Variants in USP54 observed in about 807,000 individuals in gnomAD.
USP54 encodes ubiquitin specific peptidase 54.
Under a neutral mutation model 170.5 loss-of-function variants are expected in USP54, and 87 were observed. The observed-to-expected ratio is 0.51, with a 90% confidence interval of 0.43 to 0.61. The LOEUF (loss-of-function observed/expected upper bound fraction) is 0.61. Among genes scored for constraint, USP54 ranks in the 20% least tolerant of loss-of-function variants. The pLI, the probability that USP54 is intolerant of heterozygous loss-of-function variation, is 0.00. For missense variants in USP54, 1,786 were observed against 2,047.8 expected (o/e 0.87, Z 2.47); for synonymous variants, 655 against 742.8 (o/e 0.88, Z 1.92).
At chr10:73,500,987 A>G (rs1428669120) in intron 22 of USP54, 149 bp from the exon 23 acceptor site, 6 of 806,538 alleles carry the variant, frequency 7.4e-6, no homozygotes, top group Non-Finnish European at 9.3e-6. Context: ...ACAGGACCCA[A>G]TTTACTCAGT....
At chr10:73,548,953 A>T (rs1366064475) in intron 4 of USP54, among the ~76,000 whole-genome samples, 1 of 152,230 alleles carries the variant, frequency 6.6e-6, no homozygotes, top group Admixed American at 6.5e-5. Flanking sequence ...ACCAGAAATA[A>T]GACCATTTTA....
In USP54 at chr10:73,497,542, A is replaced by G. The variant is rs964581306; in HGVS notation, c.*1087T>C. On this transcript the variant is annotated 3_prime_UTR_variant, in exon 24 of 24. Coordinates refer to ENST00000687698, the MANE Select transcript of USP54 (RefSeq NM_001391956.1). ...AAAGGGAAGAATGACAAGGAATTAA[A>G]TAGAACTGTCTTATAGATTTATTAA... 1.3e-5 allele frequency: 2 copies of G among 152,258 alleles called. No homozygotes were observed. Among genetic ancestry groups the G allele is most frequent in the African/African-American group, 4.8e-5 (2 of 41,464 alleles). The allele number at this position is 152,258 out of a possible 1,614,324, so 9.4% of individuals were successfully genotyped here.
chr10:73,525,903 T>C (rs2062761885), intron 16 of USP54, among the ~76,000 whole-genome samples: 1 of 152,250 alleles, frequency 6.6e-6, no homozygotes, highest in Admixed American at 6.5e-5. Context: ...CTAAGATATT[T>C]AGCCAGGGGT....
At chr10:73,554,328 C>T (rs2070411466) in intron 4 of USP54, among the ~76,000 whole-genome samples, 1 of 152,222 alleles carries the variant, frequency 6.6e-6, no homozygotes, top group Non-Finnish European at 1.5e-5. Context: ...TTTCTCTTCT[C>T]AACCTGGACT....
chr10:73,521,102 TAC>T, intron 17 of USP54, 75 bp from the exon 18 acceptor site: 1 of 1,585,690 alleles, frequency 6.3e-7, no homozygotes, highest in Middle Eastern at 1.7e-4. Flanking sequence ...TTCCCTTCAG[TAC>T]ACAGAGATCC....
At chr10:73,513,533 A>G (rs997859700) in intron 20 of USP54, 3 of 152,188 alleles carry the variant, frequency 2.0e-5, no homozygotes, top group African/African-American at 7.2e-5. Flanking sequence ...AATAAATTAC[A>G]GTACATTCAT....
At chr10:73,519,018 C>T (rs1435697690) in intron 19 of USP54, 1 of 151,968 alleles carries the variant, frequency 6.6e-6, no homozygotes, top group Non-Finnish European at 1.5e-5. Flanking sequence ...GCTACCATGC[C>T]TAGCAGTTAA....
At position 73,532,725 on chromosome 10, in the gene USP54, G is replaced by A. The variant is rs1435268697; in HGVS notation, c.1315+1875C>T. 3.9e-5 allele frequency among the ~76,000 whole-genome samples: 6 copies of A among 152,064 alleles called. 1 individual carries two copies. Among genetic ancestry groups the A allele is most frequent in the Non-Finnish European group, 5.9e-5 (4 of 68,026 alleles). On this transcript the variant is annotated intron_variant, in intron 12 of 23. Transcript: ENST00000687698. The stretch of plus-strand genomic sequence containing the variant: ...TACAAGAAATATAGGACACAGAAAC[G>A]TGTTAAAGTATACCATAGGAATAAA...
At chr10:73,606,330 A>C (rs1018363409) in intron 1 of USP54, 40 of 152,042 alleles carry the variant, frequency 2.6e-4, no homozygotes, top group African/African-American at 9.7e-4. Context: ...AAATAAAGAG[A>C]ACTAATCAAA....
At chr10:73,565,877 T>C in intron 4 of USP54, among the ~76,000 whole-genome samples, 1 of 152,200 alleles carries the variant, frequency 6.6e-6, no homozygotes, top group Middle Eastern at 3.2e-3. Context: ...ATTTGGTAGT[T>C]GGTAGTCATG....
In USP54 at chr10:73,616,681, T is replaced by C. The variant is rs995392861; in HGVS notation, c.-18+8886A>G. ...TTCTAAAAAAAATACAAAAATTATC[T>C]GGGCGTGGTGGCAGGTGCCTGTAAT... On this transcript the variant is annotated intron_variant, in intron 1 of 22. Transcript: ENST00000339859. 1.0e-4 allele frequency among the ~76,000 whole-genome samples: 15 copies of C among 150,210 alleles called. No individual in the cohort carries two copies. The East Asian group carries it at 2.9e-3, about 29-fold the overall frequency.
At chr10:73,572,189 C>CA (rs1351174045) in intron 3 of USP54, among the ~76,000 whole-genome samples, 3 of 151,504 alleles carry the variant, frequency 2.0e-5, no homozygotes, top group Non-Finnish European at 1.5e-5. Flanking sequence ...GGGGGATATC[C>CA]AAAAAAATAC....
intron 1 of USP54, among the ~76,000 whole-genome samples, chr10:73,604,806 G>C (rs574468347): frequency 4.6e-5 from 7 of 152,140 alleles, no homozygotes; most frequent in Admixed American, 4.6e-4. Flanking sequence ...CACGATGAGT[G>C]TTACAGCTCT....
chr10:73,516,834 A>T lies in USP54; in HGVS notation c.3592T>A (p.Ser1198Thr), dbSNP rs758160648. The change falls in exon 20 of 24, where the codon TCC (serine) becomes ACC (threonine). Residue 1198 changes from serine (S) to threonine (T), a missense_variant. By Grantham distance (58) the Ser-to-Thr change is moderately conservative (BLOSUM62 1). This residue lies in a region of USP54 where 1,418 missense variants were observed against 1,569.0 expected (regional missense o/e 0.90). Coordinates refer to ENST00000687698, the MANE Select transcript of USP54 (RefSeq NM_001391956.1). The part of the protein sequence containing the change: ...SSLEGGDRPL[S>T]WEESTEHSSL... Reference sequence around the variant, plus strand: ...GAATGTTCAGTGGACTCTTCCCAGGAAAGTGGTCTATCCCCACCCTCCAGA... The same window carrying T: ...GAATGTTCAGTGGACTCTTCCCAGGTAAGTGGTCTATCCCCACCCTCCAGA... 1.9e-6 allele frequency: 3 copies of T among 1,614,246 alleles called. No homozygotes were observed. The highest frequency in any genetic ancestry group is 2.5e-6 in the Non-Finnish European group (3 of 1,180,048).
intron 1 of USP54, among the ~76,000 whole-genome samples, chr10:73,589,296 T>C (rs1050386249): frequency 1.5e-4 from 23 of 152,306 alleles, no homozygotes; most frequent in African/African-American, 5.3e-4. Flanking sequence ...AATCATACCT[T>C]GCGCTTCCAA....
In USP54 at chr10:73,519,804, G is replaced by C; in HGVS notation, c.2671C>G (p.Pro891Ala). The C allele has an allele frequency of 1.2e-6, 2 of 1,613,898 alleles. No homozygotes were observed. Residue 891 changes from proline (P) to alanine (A), a missense_variant, in exon 19 of 24, where the codon CCA becomes GCA. Pro to Ala is a conservative substitution (Grantham distance 27, BLOSUM62 -1). Transcript: ENST00000687698. ...LPTQAGTLSQPTSEQPIPLQV... is the reference protein window; with the variant it reads ...LPTQAGTLSQATSEQPIPLQV... The stretch of plus-strand genomic sequence containing the variant: ...ATGGTTCCCAAGCACTACCTTGTTG[G>C]CTGAGAGAGAGTCCCCGCCTGTGTT...
intron 4 of USP54, among the ~76,000 whole-genome samples, chr10:73,547,557 A>G (rs1401115214): frequency 1.3e-5 from 2 of 152,204 alleles, no homozygotes; most frequent in Non-Finnish European, 1.5e-5. Flanking sequence ...GGAACAGAAC[A>G]GAGGCCTCAG....
intron 1 of USP54, among the ~76,000 whole-genome samples, chr10:73,590,516 A>G (rs915337194): frequency 1.3e-5 from 2 of 152,206 alleles, no homozygotes; most frequent in African/African-American, 4.8e-5. Context: ...TTTAATACAC[A>G]CACAAATATT....
At chr10:73,509,105 CAA>C (rs34441562) in intron 20 of USP54, among the ~76,000 whole-genome samples, 32 of 47,294 alleles carry the variant, frequency 6.8e-4, no homozygotes, top group African/African-American at 1.8e-3. Context: ...ATCATACTGG[CAA>C]AAAAAAAAAA....
Sources: allele counts gnomAD v4.1 joint callset (sites outside exome capture counted in the v4.1 genomes callset), GRCh38; gene constraint gnomAD v4.1.1; regional missense constraint gnomAD v4.1.1; transcripts MANE v1.5; gene names NCBI Gene and HGNC (gene_info 2026-07-23, HGNC 2026-07-21).